Variants in RP1 observed in about 807,000 individuals in gnomAD.
RP1 encodes oxygen-regulated protein 1.
In RP1, 16 loss-of-function variants were observed where a neutral mutation model predicts 14.8. The ratio of observed to expected loss-of-function variants is 1.08; its 90% CI spans 0.73 to 1.65. RP1 has a LOEUF of 1.65. Among genes scored for constraint, RP1 ranks in the 40% most tolerant of loss-of-function variants. The pLI, the probability that RP1 is intolerant of heterozygous loss-of-function variation, is 0.00. For synonymous variants in RP1, 876 were observed against 883.6 expected, an observed-to-expected ratio of 0.99 and a Z score of 0.15; for missense variants, 2,631 against 2,535.0, an observed-to-expected ratio of 1.04 and a Z score of -0.81.
intron 15 of RP1, among the ~76,000 whole-genome samples, chr8:54,710,428 C>G (rs762480122): frequency 6.6e-6 from 1 of 152,190 alleles, no homozygotes; most frequent in Non-Finnish European, 1.5e-5. Context: ...CTGTTAGTCC[C>G]ACCGTCTGTA....
At chr8:54,806,812 T>C (rs1810862956) in intron 24 of RP1, among the ~76,000 whole-genome samples, 1 of 152,214 alleles carries the variant, frequency 6.6e-6, no homozygotes, top group Admixed American at 6.5e-5. Context: ...GAACATTTAG[T>C]ACCTCAAGGG....
intron 1 of RP1, among the ~76,000 whole-genome samples, chr8:54,609,621 A>T (rs1805544401): frequency 6.6e-6 from 1 of 152,168 alleles, no homozygotes; most frequent in South Asian, 2.1e-4. Flanking sequence ...CCACTGGGTG[A>T]CTATTTCACA....
At chr8:54,738,807 T>C in intron 18 of RP1, 1 of 524,844 alleles carries the variant, frequency 1.9e-6, no homozygotes, top group South Asian at 3.5e-5. Context: ...ATTTCATTTC[T>C]AGACTCTGAA....
chr8:54,750,213 T>G (rs1809323367), intron 19 of RP1, among the ~76,000 whole-genome samples: 1 of 152,230 alleles, frequency 6.6e-6, no homozygotes, highest in Non-Finnish European at 1.5e-5. Flanking sequence ...TCTCTGAGAT[T>G]AATTTTGATA....
intron 1 of RP1, among the ~76,000 whole-genome samples, chr8:54,587,240 A>T (rs1416588155): frequency 6.6e-6 from 1 of 152,204 alleles, no homozygotes; most frequent in African/African-American, 2.4e-5. Context: ...GGCCTGGCCA[A>T]CATGGCGAAA....
chr8:54,734,849 C>T (rs759422103), intron 18 of RP1: 3 of 921,774 alleles, frequency 3.3e-6, no homozygotes, highest in Non-Finnish European at 3.0e-6. Context: ...ATAAAATGAA[C>T]CTCTGGTCTT....
chr8:54,667,211 TG>T (rs1807038521), intron 7 of RP1, among the ~76,000 whole-genome samples: 1 of 152,138 alleles, frequency 6.6e-6, no homozygotes, highest in Non-Finnish European at 1.5e-5. Context: ...TGCTTTTGTT[TG>T]GTAGAGCTGG....
Position 54,630,800 on chromosome 8 carries a change from A to C in RP1, c.*447A>C, listed in dbSNP as rs1432456952. ...AACTACTGATTTGATAAAAAGTATGATTATAAGATATCCACGACAATCTCA... is the reference window on the plus strand; with the variant it reads ...AACTACTGATTTGATAAAAAGTATGCTTATAAGATATCCACGACAATCTCA... On this transcript the variant is annotated 3_prime_UTR_variant, in exon 4 of 4. Coordinates refer to ENST00000220676, the MANE Select transcript of RP1 (RefSeq NM_006269.2). 1 of 1,003,122 alleles carries C rather than the reference A, an allele frequency of 1.0e-6. No individual in the cohort carries two copies. The highest frequency in any genetic ancestry group is 1.2e-6 in the Non-Finnish European group (1 of 841,108). 62.1% of individuals were successfully genotyped at this position (1,003,122 alleles called of 1,614,324 possible).
At chr8:54,809,206 T>G (rs1469356770) in intron 24 of RP1, among the ~76,000 whole-genome samples, 5 of 152,240 alleles carry the variant, frequency 3.3e-5, no homozygotes, top group South Asian at 4.1e-4. Flanking sequence ...TTTGTTAACT[T>G]GGAGCTCTTT....
intron 3 of RP1, among the ~76,000 whole-genome samples, chr8:54,638,460 G>A (rs1195929254): frequency 2.0e-5 from 3 of 150,510 alleles, no homozygotes; most frequent in Admixed American, 6.6e-5. Flanking sequence ...AAAACATACC[G>A]TTATTCTCAT....
intron 3 of RP1, among the ~76,000 whole-genome samples, chr8:54,647,840 G>A (rs948686639): frequency 2.0e-4 from 30 of 151,892 alleles, no homozygotes; most frequent in African/African-American, 4.4e-4. Flanking sequence ...ACAGGCATGC[G>A]CCACCACATC....
intron 17 of RP1, chr8:54,734,533 T>C (rs754154831): frequency 9.2e-6 from 14 of 1,529,636 alleles, no homozygotes; most frequent in African/African-American, 2.7e-5. Context: ...CTAATGCTTT[T>C]TTCCCCCATA....
intron 25 of RP1, among the ~76,000 whole-genome samples, chr8:54,840,246 T>A (rs957749171): frequency 6.6e-6 from 1 of 152,162 alleles, no homozygotes; most frequent in African/African-American, 2.4e-5. Context: ...ATTTTTTTAA[T>A]GGCTGCATTA....
chr8:54,864,709 A>G (rs1303797622), intron 27 of RP1, among the ~76,000 whole-genome samples: 2 of 152,198 alleles, frequency 1.3e-5, no homozygotes, highest in East Asian at 3.9e-4. Flanking sequence ...TCTGTCCCAT[A>G]GTCAATTTAT....
chr8:54,647,632 A>G (rs183388260), intron 3 of RP1, among the ~76,000 whole-genome samples: 1 of 151,918 alleles, frequency 6.6e-6, no homozygotes, highest in Admixed American at 6.6e-5. Flanking sequence ...ATTCTTACTT[A>G]TTTTATGTAA....
chr8:54,759,550 C>T (rs1809588951), intron 22 of RP1, among the ~76,000 whole-genome samples: 1 of 152,172 alleles, frequency 6.6e-6, no homozygotes, highest in African/African-American at 2.4e-5. Context: ...GTCCTGAAAG[C>T]AGCTCTCTAA....
At chr8:54,611,796 G>A (rs887052008), upstream of RP1, among the ~76,000 whole-genome samples, 3 of 151,688 alleles carry the variant, frequency 2.0e-5, no homozygotes, top group Admixed American at 1.3e-4. Context: ...AACTCTATTT[G>A]AATCATATAA....
chr8:54,805,824 C>T (rs1390251521), intron 24 of RP1, among the ~76,000 whole-genome samples: 2 of 151,636 alleles, frequency 1.3e-5, no homozygotes, highest in South Asian at 2.1e-4. Flanking sequence ...GCATCTGAAA[C>T]TTTGTGAATG....
intron 1 of RP1, among the ~76,000 whole-genome samples, chr8:54,592,948 G>C (rs1267174669): frequency 6.6e-6 from 1 of 152,176 alleles, no homozygotes; most frequent in African/African-American, 2.4e-5. Context: ...CAAGAAAGGG[G>C]TCTAAACCGA....
Sources: gnomAD v4.1 joint callset for allele counts (sites outside exome capture counted in the v4.1 genomes callset) on GRCh38, gnomAD v4.1.1 for gene constraint, MANE v1.5 for transcripts, NCBI Gene and HGNC (gene_info 2026-07-23, HGNC 2026-07-21) for gene names.